Variants in VPS13D observed in about 807,000 individuals in gnomAD.
The protein encoded by VPS13D is vacuolar protein sorting 13 homolog D, also known as intermembrane lipid transfer protein VPS13D.
VPS13D carries 187 observed loss-of-function variants against 461.9 expected under a neutral mutation model. That is an observed-to-expected ratio of 0.40 (90% CI 0.36 to 0.46). VPS13D has a LOEUF of 0.46. Ranked by LOEUF, VPS13D falls within the 20% of genes least tolerant of loss-of-function variation. The probability of loss-of-function intolerance (pLI) is 0.60; values close to 1 mark genes in which losing one functional copy is unlikely to be tolerated. For missense variants in VPS13D, 4,711 were observed against 5,364.9 expected (o/e 0.88, Z 3.81); for synonymous variants, 1,951 against 1,986.3 (o/e 0.98, Z 0.47).
Position 12,473,937 on chromosome 1 carries a change from GTGTGCAGAGGCCACGAACT to G in VPS13D, c.12662+13544_12662+13562del, listed in dbSNP as rs2100458528. On this transcript the variant is annotated intron_variant, in intron 67 of 69. Coordinates refer to ENST00000620676, the MANE Select transcript of VPS13D (RefSeq NM_015378.4). This position sits in a 1 kb window ranked among gnomAD's most constrained non-coding sequence, Gnocchi z 4.2. ...GTGTGTGGGAACCGCACTGGAAAAG[GTGTGCAGAGGCCACGAACT>G]TGCTCTGAACCCACTTGTGAAGAGC... is the stretch of plus-strand genomic sequence containing the variant. Among the ~76,000 whole-genome samples, 1 of 152,298 alleles carries G rather than the reference GTGTGCAGAGGCCACGAACT, an allele frequency of 6.6e-6. No homozygotes were observed. The highest frequency in any genetic ancestry group is 2.4e-5 in the African/African-American group (1 of 41,560).
At chr1:12,468,916 C>A (rs1469448256) in intron 67 of VPS13D, among the ~76,000 whole-genome samples, 1 of 151,902 alleles carries the variant, frequency 6.6e-6, no homozygotes, top group Non-Finnish European at 1.5e-5. Context: ...CGCCTGTGGT[C>A]CCAGCTACTC....
chr1:12,494,833 T>C (rs1236957247), intron 67 of VPS13D, among the ~76,000 whole-genome samples: 2 of 152,230 alleles, frequency 1.3e-5, no homozygotes, highest in Non-Finnish European at 2.9e-5. Context: ...TTGATTTTGC[T>C]TTCAGGGCTC....
chr1:12,477,807 A>G (rs937594693), intron 67 of VPS13D, among the ~76,000 whole-genome samples: 2 of 151,924 alleles, frequency 1.3e-5, no homozygotes, highest in Non-Finnish European at 2.9e-5. Context: ...TTTTTTTTCT[A>G]CATTAAAAAT....
chr1:12,293,585 G>T lies in VPS13D; in HGVS notation c.5914G>T (p.Ala1972Ser). The T allele has an allele frequency of 1.2e-6, 2 of 1,614,068 alleles. No homozygotes were observed. Among genetic ancestry groups the T allele is most frequent in the Non-Finnish European group, 1.7e-6 (2 of 1,179,960 alleles). ...EHDIRVSLRMASVQYVHTQRF... is the reference protein window; with the variant it reads ...EHDIRVSLRMSSVQYVHTQRF... ...CGACATTCGCGTGAGCCTCCGGATG[G>T]CCTCTGTGCAGTATGTGCATACTCA... The change falls in exon 24 of 70, where the codon GCC becomes TCC. Residue 1972 changes from alanine (A) to serine (S), a missense_variant. Transcript: ENST00000620676.
Position 12,335,725 on chromosome 1 carries a change from G to A in VPS13D, c.8449G>A (p.Glu2817Lys). The A allele has an allele frequency of 1.2e-6, 2 of 1,613,790 alleles. No homozygotes were observed. The highest frequency in any genetic ancestry group is 2.2e-5 in the East Asian group (1 of 44,868). The change falls in exon 39 of 70, where the codon GAA (glutamate) becomes AAA (lysine). Residue 2817 changes from glutamate (E) to lysine (K), a missense_variant. Around this residue, in one of 3 missense-constraint regions of VPS13D, gnomAD observed 4,411 missense variants for 4,937.8 expected, o/e 0.89. Coordinates refer to ENST00000620676, the MANE Select transcript of VPS13D (RefSeq NM_015378.4). ...TCTAGACCAGTATGTAAGTACCAAG[G>A]AATCGTGGATGGCAGATTACTGTAA... ...VLIDQYVSTK[E>K]SWMADYCKDD...
intron 19 of VPS13D, among the ~76,000 whole-genome samples, chr1:12,278,714 C>A (rs541234621): frequency 1.3e-5 from 2 of 152,310 alleles, no homozygotes; most frequent in African/African-American, 4.8e-5. Context: ...AGCTGTCGAT[C>A]CTTCCTAGTT....
intron 64 of VPS13D, 95 bp from the exon 65 acceptor site, chr1:12,416,565 C>T: frequency 7.5e-7 from 1 of 1,328,928 alleles, no homozygotes; most frequent in Non-Finnish European, 1.0e-6. Context: ...GAATGGAGAA[C>T]AAAATAGATT....
intron 2 of VPS13D, among the ~76,000 whole-genome samples, chr1:12,240,723 C>T (rs1640324128): frequency 1.4e-5 from 2 of 141,600 alleles, no homozygotes; most frequent in African/African-American, 5.3e-5. Context: ...TTTTTTTCCC[C>T]TTATGTTCAT....
At chr1:12,266,813 C>T in intron 13 of VPS13D, 68 bp from the exon 14 acceptor site, 1 of 1,296,446 alleles carries the variant, frequency 7.7e-7, no homozygotes, top group African/African-American at 1.5e-5. Flanking sequence ...AATAGAATAT[C>T]TAATATTTTC....
rs978990562 is a variant in VPS13D, at chr1:12,319,346, A to G, written c.7415-151A>G. The G allele has an allele frequency of 2.5e-5, 27 of 1,080,480 alleles. No individual in the cohort carries two copies. In the African/African-American group the frequency reaches 3.9e-4, roughly 16 times the overall value. 66.9% of individuals were successfully genotyped at this position (1,080,480 alleles called of 1,614,324 possible). ...ATGCAGAGTATTGGTTCAGGATGAC[A>G]CTGTTAGTAAATGTCAGCAGACATT... On this transcript the variant is annotated intron_variant, in intron 31 of 69. Coordinates refer to ENST00000620676, the MANE Select transcript of VPS13D (RefSeq NM_015378.4).
chr1:12,345,257 GT>G, intron 42 of VPS13D, 116 bp from the exon 43 acceptor site: 3 of 1,270,146 alleles, frequency 2.4e-6, no homozygotes, highest in Non-Finnish European at 3.2e-6. Context: ...TCTCCAAAAG[GT>G]TTAGCCAACT....
chr1:12,290,526 T>G (rs1029957450), intron 22 of VPS13D, among the ~76,000 whole-genome samples: 5 of 152,022 alleles, frequency 3.3e-5, no homozygotes, highest in South Asian at 2.1e-4. Context: ...ATCGAGACCA[T>G]CCTGGCTAAC....
chr1:12,319,905 G>A (rs1163153267), intron 32 of VPS13D, among the ~76,000 whole-genome samples: 1 of 152,194 alleles, frequency 6.6e-6, no homozygotes, highest in East Asian at 1.9e-4. Context: ...GACTTTTCCA[G>A]TCCCCACTGC....
chr1:12,270,935 C>A, intron 16 of VPS13D, 59 bp from the exon 17 acceptor site: 1 of 1,590,840 alleles, frequency 6.3e-7, no homozygotes, highest in Non-Finnish European at 8.6e-7. Flanking sequence ...TGATGTAGCA[C>A]TTTTGTTCAC....
intron 66 of VPS13D, among the ~76,000 whole-genome samples, 170 bp from the exon 67 acceptor site, chr1:12,460,031 A>G (rs920936183): frequency 6.6e-6 from 1 of 150,592 alleles, no homozygotes; most frequent in African/African-American, 2.5e-5. Flanking sequence ...TCTGGACTTA[A>G]TGGGCAAATC....
At position 12,378,591 on chromosome 1, in the gene VPS13D, G is replaced by A; in HGVS notation, c.11081G>A (p.Arg3694Lys). The A allele has an allele frequency of 6.5e-7, 1 of 1,542,366 alleles. No homozygotes were observed. Among genetic ancestry groups the A allele is most frequent in the Non-Finnish European group, 8.8e-7 (1 of 1,142,438 alleles). Residue 3694 changes from arginine to lysine, a missense_variant and splice_region_variant, in exon 56 of 70, where the codon AGA becomes AAA. Transcript: ENST00000620676. ...GGTCTCGCTGCAGTGACTGACAACA[G>A]GTAATTTTCTAGGCAACTTTTGATT... Reference protein sequence around the residue: ...IAGLAAVTDNRYEPLMLRKPD... With the variant: ...IAGLAAVTDNKYEPLMLRKPD...
chr1:12,472,530 T>A (rs1403067548), intron 67 of VPS13D, among the ~76,000 whole-genome samples: 2 of 152,220 alleles, frequency 1.3e-5, no homozygotes, highest in Non-Finnish European at 2.9e-5. Context: ...CTTTCTGCTT[T>A]GTGGCTTCCA....
intron 67 of VPS13D, among the ~76,000 whole-genome samples, chr1:12,467,345 TA>T (rs947266009): frequency 2.6e-5 from 4 of 152,172 alleles, no homozygotes; most frequent in African/African-American, 9.7e-5. Context: ...CTAATTCTTA[TA>T]TTTTTAGTAG....
chr1:12,382,428 A>T (rs923955803), intron 57 of VPS13D, among the ~76,000 whole-genome samples: 2 of 152,130 alleles, frequency 1.3e-5, no homozygotes, highest in African/African-American at 4.8e-5. Context: ...CAGCCTGAAT[A>T]ACTGGGTATC....
Sources: allele counts gnomAD v4.1 joint callset (sites outside exome capture counted in the v4.1 genomes callset), GRCh38; gene constraint gnomAD v4.1.1; regional missense constraint gnomAD v4.1.1; non-coding constraint Gnocchi (gnomAD v3.1); transcripts MANE v1.5; gene names NCBI Gene and HGNC (gene_info 2026-07-23, HGNC 2026-07-21).